PLAT: variants seen among roughly 807,000 people sequenced by gnomAD.
The protein encoded by PLAT is plasminogen activator, tissue type.
A neutral mutation model predicts 74.9 loss-of-function variants in PLAT; 48 were observed. The ratio of observed to expected loss-of-function variants is 0.64; its 90% confidence interval spans 0.51 to 0.82. The LOEUF (loss-of-function observed/expected upper bound fraction) is 0.82. Ranked by LOEUF, PLAT falls within the 40% of genes least tolerant of loss-of-function variation. The pLI is 0.00. For missense variants in PLAT, 673 were observed against 736.2 expected (o/e 0.91, Z 0.99); for synonymous variants, 307 against 294.4 (o/e 1.04, Z -0.44).
intron 1 of PLAT, among the ~76,000 whole-genome samples, chr8:42,196,129 A>G (rs566028145): frequency 2.0e-5 from 3 of 152,322 alleles, no homozygotes; most frequent in African/African-American, 7.2e-5. Context: ...GCCTGGGAAC[A>G]TCCCCCTTTC....
intron 1 of PLAT, among the ~76,000 whole-genome samples, chr8:42,198,318 C>T (rs1379776358): frequency 1.3e-5 from 2 of 152,184 alleles, no homozygotes; most frequent in Non-Finnish European, 2.9e-5. Context: ...AGTGAAACCC[C>T]ATCTCTACTA....
intron 1 of PLAT, among the ~76,000 whole-genome samples, chr8:42,204,855 TAAAAATA>T (rs1234230641): frequency 6.6e-6 from 1 of 151,484 alleles, no homozygotes; most frequent in African/African-American, 2.4e-5. Flanking sequence ...CTGTCTCTAC[TAAAAATA>T]TAAAAATTAG....
intron 1 of PLAT, among the ~76,000 whole-genome samples, chr8:42,207,104 C>A (rs1303763704): frequency 6.6e-6 from 1 of 152,232 alleles, no homozygotes; most frequent in East Asian, 1.9e-4. Flanking sequence ...GCCCTCCCAG[C>A]TGTCACAGGC....
rs59850705 is a variant in PLAT, at chr8:42,194,050, C to CTTTTTTTTTTTTTTTTTTTT, written c.-26-859_-26-840dup. On this transcript the variant is annotated intron_variant, in intron 1 of 13. Coordinates refer to ENST00000220809, the MANE Select transcript of PLAT (RefSeq NM_000930.5). Reference sequence around the variant, plus strand: ...CTTTTTCCTTTCTTCTTTCTTCTTTCTTTTTTTTTTTTTTTTTTTTGAGAC... The same window carrying CTTTTTTTTTTTTTTTTTTTT: ...CTTTTTCCTTTCTTCTTTCTTCTTTCTTTTTTTTTTTTTTTTTTTTTTTTTTTTTTTTTTTTTTTTGAGAC... 4.5e-4 allele frequency among the ~76,000 whole-genome samples: 38 copies of CTTTTTTTTTTTTTTTTTTTT among 84,920 alleles called. 3 individuals are homozygous for CTTTTTTTTTTTTTTTTTTTT. Among genetic ancestry groups the CTTTTTTTTTTTTTTTTTTTT allele is most frequent in the Non-Finnish European group, 6.5e-4 (32 of 49,128 alleles). 55.7% of individuals were successfully genotyped at this position (84,920 alleles called of 152,430 possible).
In PLAT at chr8:42,188,010, C is replaced by T; in HGVS notation, c.260G>A (p.Ser87Asn). The change falls in exon 5 of 14, where the codon AGC becomes AAC. Residue 87 changes from serine (S) to asparagine (N), a missense_variant. Ser to Asn is a conservative substitution (Grantham distance 46). Transcript: ENST00000220809. ...QCHSVPVKSC[S>N]EPRCFNGGTC... is the part of the protein sequence containing the mutation. ...GCCCCCGTTGAAACACCTTGGCTCG[C>T]TGCAACCTGTCAAGTATAAAAAAGG... 1 of 1,605,342 alleles carries T rather than the reference C, an allele frequency of 6.2e-7. No homozygotes were observed. The highest frequency in any genetic ancestry group is 1.1e-5 in the South Asian group (1 of 90,876).
intron 4 of PLAT, 88 bp downstream of exon 4, chr8:42,188,846 A>C: frequency 8.6e-7 from 1 of 1,167,496 alleles, no homozygotes; most frequent in Non-Finnish European, 1.3e-6. Flanking sequence ...ATTGGTCTTG[A>C]ACTCCCGGGC....
intron 6 of PLAT, chr8:42,186,801 T>C (rs1407931703): frequency 6.6e-6 from 1 of 151,612 alleles, no homozygotes; most frequent in Non-Finnish European, 1.5e-5. Flanking sequence ...ACATCTACTA[T>C]CACCTATGTA....
At chr8:42,205,781 G>A (rs1359035894) in intron 1 of PLAT, among the ~76,000 whole-genome samples, 1 of 152,168 alleles carries the variant, frequency 6.6e-6, no homozygotes, top group Non-Finnish European at 1.5e-5. Flanking sequence ...GCCATACCTT[G>A]GCCACCTTGG....
Position 42,178,959 on chromosome 8 carries a change from T to C in PLAT, c.1468A>G (p.Met490Val), listed in dbSNP as rs1479191716. ...CTCCGAGTGTCTCCAGCACACAGCA[T>C]GTTGTCGGTGACTGTTCTGTTAAGT... ...HLLNRTVTDN[M>V]LCAGDTRSGG... Residue 490 changes from methionine to valine, a missense_variant, in exon 13 of 14, where the codon ATG becomes GTG. Transcript: ENST00000220809. 2 of 1,614,128 alleles carry C rather than the reference T, an allele frequency of 1.2e-6. No homozygotes were observed. The highest frequency in any genetic ancestry group is 1.7e-5 in the Admixed American group (1 of 60,026).
At chr8:42,198,772 G>A (rs141074050) in intron 1 of PLAT, among the ~76,000 whole-genome samples, 49 of 152,244 alleles carry the variant, frequency 3.2e-4, no homozygotes, top group African/African-American at 1.2e-3. Context: ...TTGTTGCTTA[G>A]CAAAAGGTCT....
At chr8:42,197,625 G>C (rs1174076684) in intron 1 of PLAT, among the ~76,000 whole-genome samples, 1 of 152,114 alleles carries the variant, frequency 6.6e-6, no homozygotes, top group Non-Finnish European at 1.5e-5. Context: ...ATTCTGGATT[G>C]GGCACAGCCC....
chr8:42,176,705 G>A (rs1019337337), intron 13 of PLAT, among the ~76,000 whole-genome samples: 3 of 152,232 alleles, frequency 2.0e-5, no homozygotes, highest in Admixed American at 1.3e-4. Flanking sequence ...CTTCATGGTA[G>A]TAAGAGGTGT....
chr8:42,194,053 T>TC (rs777153190), intron 1 of PLAT, among the ~76,000 whole-genome samples: 5 of 124,204 alleles, frequency 4.0e-5, no homozygotes, highest in African/African-American at 1.3e-4. Flanking sequence ...CTTCTTTCTT[T>TC]TTTTTTTTTT....
At chr8:42,181,571 A>T (rs1431462606) in intron 9 of PLAT, among the ~76,000 whole-genome samples, 1 of 152,174 alleles carries the variant, frequency 6.6e-6, no homozygotes, top group Non-Finnish European at 1.5e-5. Flanking sequence ...ACGCTGTTGG[A>T]CAAATGTGGT....
intron 9 of PLAT, among the ~76,000 whole-genome samples, chr8:42,181,229 C>T (rs1164153962): frequency 6.6e-6 from 1 of 152,210 alleles, no homozygotes; most frequent in Non-Finnish European, 1.5e-5. Flanking sequence ...ACTTGTGTTC[C>T]TTGGGGAACA....
chr8:42,180,016 C>T lies in PLAT; in HGVS notation c.1273G>A (p.Val425Met), dbSNP rs762557505. 8 of 1,609,966 alleles carry T rather than the reference C, an allele frequency of 5.0e-6. No homozygotes were observed. The African/African-American group carries it at 5.3e-5, about 11-fold the overall frequency. ...DSSRCAQESS[V>M]VRTVCLPPAD... ...GGGGGAAGGCACACAGTGCGGACCA[C>T]GCTGCTCTCCTGGGCACAGCGGGAC... The change falls in exon 12 of 14, where the codon GTG (valine) becomes ATG (methionine). Residue 425 changes from valine (V) to methionine (M), a missense_variant. Transcript: ENST00000220809.
intron 3 of PLAT, among the ~76,000 whole-genome samples, chr8:42,190,091 T>C (rs1805626446): frequency 6.6e-6 from 1 of 151,938 alleles, no homozygotes; most frequent in South Asian, 2.1e-4. Context: ...TTAAATTTTT[T>C]TGTAGAGGCG....
chr8:42,204,012 C>T (rs1320012131), intron 1 of PLAT, among the ~76,000 whole-genome samples: 2 of 139,510 alleles, frequency 1.4e-5, no homozygotes, highest in East Asian at 1.9e-4. Context: ...CACACACACA[C>T]ACACACACAC....
chr8:42,205,783 C>T (rs1277964003), intron 1 of PLAT, among the ~76,000 whole-genome samples: 1 of 152,212 alleles, frequency 6.6e-6, no homozygotes, highest in African/African-American at 2.4e-5. Context: ...CATACCTTGG[C>T]CACCTTGGAC....
Sources: gnomAD v4.1 joint callset for allele counts (sites outside exome capture counted in the v4.1 genomes callset) on GRCh38, gnomAD v4.1.1 for gene constraint, MANE v1.5 for transcripts, NCBI Gene and HGNC (gene_info 2026-07-23, HGNC 2026-07-21) for gene names.